Variants in XPO6 observed in about 807,000 individuals in gnomAD.
The protein encoded by XPO6 is exportin-6.
Under a neutral mutation model 130.0 loss-of-function variants are expected in XPO6, and 3 were observed. The ratio of observed to expected loss-of-function variants is 0.02; its 90% CI spans 0.01 to 0.06. The LOEUF is 0.06. Among genes scored for constraint, XPO6 ranks in the 10% least tolerant of loss-of-function variants. The probability of loss-of-function intolerance (pLI) is 1.00; values close to 1 mark genes in which losing one functional copy is unlikely to be tolerated. For missense variants in XPO6, 970 were observed against 1,393.0 expected, an observed-to-expected ratio of 0.70 and a Z score of 4.83; for synonymous variants, 524 against 548.9, an observed-to-expected ratio of 0.95 and a Z score of 0.63.
intron 20 of XPO6, among the ~76,000 whole-genome samples, chr16:28,105,433 C>T (rs978662603): frequency 1.3e-5 from 2 of 152,170 alleles, no homozygotes; most frequent in African/African-American, 4.8e-5. Flanking sequence ...TAAATAGACA[C>T]CAGGGGCCAC....
At chr16:28,126,184 C>T (rs1222880031) in intron 12 of XPO6, among the ~76,000 whole-genome samples, 1 of 152,230 alleles carries the variant, frequency 6.6e-6, no homozygotes, top group African/African-American at 2.4e-5. Context: ...CAAGGAGGCA[C>T]ACCCAGGGAG....
At position 28,211,829 on chromosome 16, in the gene XPO6, C is replaced by T. The variant is rs2044138592; in HGVS notation, c.-461G>A. ...CCGGCTCAGGGGAGAGGCCCGGGGG[C>T]CCGCGCTGTCCTCGCAGCCTCAACC... On this transcript the variant is annotated 5_prime_UTR_variant, in exon 1 of 24. Coordinates refer to ENST00000304658, the MANE Select transcript of XPO6 (RefSeq NM_015171.4). The T allele has an allele frequency of 4.8e-6, 1 of 209,254 alleles. No individual in the cohort carries two copies. Among genetic ancestry groups the T allele is most frequent in the African/African-American group, 2.3e-5 (1 of 43,198 alleles). 13.0% of individuals were successfully genotyped at this position (209,254 alleles called of 1,614,324 possible).
chr16:28,211,324 G>A, intron 1 of XPO6, 42 bp downstream of exon 1: 1 of 1,311,174 alleles, frequency 7.6e-7, no homozygotes. Flanking sequence ...CACCCTTCCG[G>A]TAGGGCACCC....
rs1180744914 is a variant in XPO6 at position 28,152,640 on chromosome 16, G to C, written c.1224+19C>G. On this transcript the variant is annotated intron_variant, in intron 8 of 23. Transcript: ENST00000304658. ...ATAAACCTTTTCTCTGGAAGGGAAGGATGACTTTGGTGCTTTACCTGATGA... is the reference window on the plus strand; with the variant it reads ...ATAAACCTTTTCTCTGGAAGGGAAGCATGACTTTGGTGCTTTACCTGATGA... 6.3e-7 allele frequency: 1 copy of C among 1,597,798 alleles called. No individual in the cohort carries two copies. Among genetic ancestry groups the C allele is most frequent in the East Asian group, 2.2e-5 (1 of 44,674 alleles).
Position 28,101,687 on chromosome 16 carries a change from T to C in XPO6, c.3047A>G (p.Lys1016Arg). The C allele has an allele frequency of 1.2e-6, 2 of 1,605,272 alleles. No homozygotes were observed. The highest frequency in any genetic ancestry group is 1.7e-6 in the Non-Finnish European group (2 of 1,173,108). The change falls in exon 23 of 24, where the codon AAG becomes AGG. Residue 1016 changes from lysine (K) to arginine (R), a missense_variant and splice_region_variant. This residue lies in a region of XPO6 where 936 missense variants were observed against 1,306.8 expected (regional missense o/e 0.72). Coordinates refer to ENST00000304658, the MANE Select transcript of XPO6 (RefSeq NM_015171.4). The surrounding 1 kb of genome is among the most constrained non-coding windows in gnomAD (Gnocchi z 5.4). ...LNTKQKLYHK[K>R]IFRTAMLFQF... is the part of the protein sequence containing the mutation. Reference sequence around the variant, plus strand: ...GAACAGCATGGCAGTCCGGAAGATCTTCTGCAGGCAGAGAGACCAGGTGAG... The same window carrying C: ...GAACAGCATGGCAGTCCGGAAGATCCTCTGCAGGCAGAGAGACCAGGTGAG...
intron 9 of XPO6, among the ~76,000 whole-genome samples, chr16:28,135,575 T>C (rs1039200396): frequency 6.6e-6 from 1 of 152,206 alleles, no homozygotes; most frequent in African/African-American, 2.4e-5. Flanking sequence ...GCCTTTTTTG[T>C]CTCTGGCAAT....
At chr16:28,147,027 C>A (rs745327090) in intron 8 of XPO6, among the ~76,000 whole-genome samples, 7 of 152,202 alleles carry the variant, frequency 4.6e-5, no homozygotes, top group Non-Finnish European at 7.3e-5. Context: ...CAAATGCTCA[C>A]TACCTGAAAG....
intron 17 of XPO6, chr16:28,111,525 G>A (rs2086920840): frequency 3.2e-6 from 1 of 307,950 alleles, no homozygotes; most frequent in South Asian, 5.0e-5. Flanking sequence ...GTATTTTATA[G>A]ACAGAAGGCA....
chr16:28,210,305 A>G (rs2044105595), intron 1 of XPO6, among the ~76,000 whole-genome samples: 3 of 152,124 alleles, frequency 2.0e-5, no homozygotes, highest in Admixed American at 2.0e-4. Flanking sequence ...GGTCTGTATC[A>G]CAAAAGATGC....
At position 28,132,533 on chromosome 16, in the gene XPO6, C is replaced by A; in HGVS notation, c.1537-130G>T. The A allele has an allele frequency of 3.3e-6, 2 of 605,784 alleles. No individual in the cohort carries two copies. The highest frequency in any genetic ancestry group is 5.6e-6 in the Non-Finnish European group (2 of 358,760). The allele number at this position is 605,784 out of a possible 1,614,324, so 37.5% of individuals were successfully genotyped here. A position where few individuals can be genotyped will look rare whatever the true frequency, so the allele number is the denominator to read the frequency against. ...AGGATCAAAACCTTTTCTCTGGGAA[C>A]CTTTAAATGCAGCTAAAAAGCTATG... On this transcript the variant is annotated intron_variant, in intron 11 of 23. Transcript: ENST00000304658. This position sits in a 1 kb window ranked among gnomAD's most constrained non-coding sequence, Gnocchi z 4.0.
chr16:28,169,650 A>G lies in XPO6; in HGVS notation c.565+100T>C, dbSNP rs1273267551. The stretch of plus-strand genomic sequence containing the variant: ...GCTTCCCATTTTCATGCTATCTCAG[A>G]AACAGCGCAAACAACTGCTCAAAGC... On this transcript the variant is annotated intron_variant, in intron 5 of 23. Transcript: ENST00000304658. The G allele has an allele frequency of 2.7e-6, 4 of 1,476,708 alleles. No homozygotes were observed. The African/African-American group carries it at 5.6e-5, about 21-fold the overall frequency. The allele number at this position is 1,476,708 out of a possible 1,614,324, so 91.5% of individuals were successfully genotyped here. A position where few individuals can be genotyped will look rare whatever the true frequency, so the allele number is the denominator to read the frequency against.
intron 14 of XPO6, among the ~76,000 whole-genome samples, chr16:28,118,012 T>A (rs2087113439): frequency 6.6e-6 from 1 of 152,156 alleles, no homozygotes; most frequent in Admixed American, 6.5e-5. Context: ...AAAATATACA[T>A]CAAAAAAGTA....
intron 14 of XPO6, among the ~76,000 whole-genome samples, chr16:28,121,328 T>C (rs1030253464): frequency 2.0e-5 from 3 of 152,224 alleles, no homozygotes; most frequent in Non-Finnish European, 4.4e-5. Flanking sequence ...TCTGAGGTGT[T>C]TCCCATTAGT....
At chr16:28,117,579 G>A (rs1433083450) in intron 14 of XPO6, 117 bp from the exon 15 acceptor site, 4 of 1,210,926 alleles carry the variant, frequency 3.3e-6, no homozygotes, top group Admixed American at 2.4e-5. Flanking sequence ...CTAAGACATG[G>A]GCAACAGCAT....
intron 8 of XPO6, among the ~76,000 whole-genome samples, chr16:28,150,173 CA>C (rs1445425869): frequency 2.6e-5 from 4 of 152,200 alleles, no homozygotes; most frequent in Admixed American, 2.0e-4. Context: ...GTCTGGACGT[CA>C]AAGACATACC....
rs1317501545 is a variant in XPO6, at chr16:28,211,661, C to T, written c.-293G>A. 5 of 396,972 alleles carry T rather than the reference C, an allele frequency of 1.3e-5. No homozygotes were observed. Among genetic ancestry groups the T allele is most frequent in the Non-Finnish European group, 2.2e-5 (5 of 225,462 alleles). 24.6% of individuals were successfully genotyped at this position (396,972 alleles called of 1,614,324 possible). ...GGCGAGGAGGGCAGCTGCTCGGGAC[C>T]CCCGCCCGGGCCCGACCCCCGCGGG... On this transcript the variant is annotated 5_prime_UTR_variant, in exon 1 of 24. Transcript: ENST00000304658.
rs2043525756 is a variant in XPO6, at chr16:28,175,825, T to C, written c.405+73A>G. On this transcript the variant is annotated intron_variant, in intron 4 of 23. Transcript: ENST00000304658. ...CAAACTGCTAATCTTAAAAGTCCTC[T>C]TCAGGACAAGGAAATAATCACTTCA... 23 of 1,430,558 alleles carry C rather than the reference T, an allele frequency of 1.6e-5. No individual in the cohort carries two copies. In the Middle Eastern group the frequency reaches 2.2e-3, roughly 139 times the overall value. The allele number at this position is 1,430,558 out of a possible 1,614,324, so 88.6% of individuals were successfully genotyped here.
At chr16:28,197,235 G>A (rs9925019) in intron 1 of XPO6, among the ~76,000 whole-genome samples, 43,518 of 151,812 alleles carry the variant, frequency 0.29, 6,348 homozygotes, top group Middle Eastern at 0.33. Context: ...CTGGGTGACA[G>A]AGAGAGACTC....
intron 4 of XPO6, among the ~76,000 whole-genome samples, chr16:28,171,491 A>G (rs1482552756): frequency 1.3e-5 from 2 of 151,708 alleles, no homozygotes; most frequent in African/African-American, 4.8e-5. Context: ...AAAGAAATAC[A>G]GGGTACATTC....
Sources: gnomAD v4.1 joint callset for allele counts (sites outside exome capture counted in the v4.1 genomes callset) on GRCh38, gnomAD v4.1.1 for gene constraint, gnomAD v4.1.1 regional missense constraint, Gnocchi (gnomAD v3.1) non-coding constraint, MANE v1.5 for transcripts, NCBI Gene and HGNC (gene_info 2026-07-23, HGNC 2026-07-21) for gene names.